The following SCHIP1 variants were observed in gnomAD, a reference collection of about 807,000 sequenced individuals.
SCHIP1 encodes the protein schwannomin interacting protein 1, also known as schwannomin-interacting protein 1.
SCHIP1 carries 8 observed loss-of-function variants against 29.7 expected under a neutral mutation model. The ratio of observed to expected loss-of-function variants is 0.27; its 90% CI spans 0.16 to 0.49. The LOEUF (loss-of-function observed/expected upper bound fraction) is 0.49. Ranked by LOEUF, SCHIP1 falls within the 20% of genes least tolerant of loss-of-function variation. SCHIP1 has a pLI of 0.99. For missense variants in SCHIP1, 193 were observed against 294.6 expected, an observed-to-expected ratio of 0.66 and a Z score of 2.52; for synonymous variants, 76 against 94.9, an observed-to-expected ratio of 0.80 and a Z score of 1.16.
chr3:159,705,463 A>G, the SCHIP1 span, among the ~76,000 whole-genome samples: 1 of 152,052 alleles, frequency 6.6e-6, no homozygotes, highest in Non-Finnish European at 1.5e-5. Context: ...ATCATAACAT[A>G]GAAATAGAAA....
chr3:159,650,132 A>G, the SCHIP1 span, among the ~76,000 whole-genome samples: 1 of 152,204 alleles, frequency 6.6e-6, no homozygotes, highest in Non-Finnish European at 1.5e-5. Context: ...ATCATCTGGT[A>G]TAAACTATCC....
chr3:159,643,316 T>C, the SCHIP1 span, among the ~76,000 whole-genome samples: 1 of 152,092 alleles, frequency 6.6e-6, no homozygotes, highest in Admixed American at 6.6e-5. Flanking sequence ...CCAGAGTCTG[T>C]GGCTCAGCTT....
At chr3:159,834,731 G>A in the SCHIP1 span, among the ~76,000 whole-genome samples, 1 of 152,124 alleles carries the variant, frequency 6.6e-6, no homozygotes, top group Non-Finnish European at 1.5e-5. Flanking sequence ...CATGTGACAG[G>A]TGGCAGTCAA....
At chr3:159,874,145 C>G (rs551525004) in intron 2 of SCHIP1, among the ~76,000 whole-genome samples, 1 of 152,108 alleles carries the variant, frequency 6.6e-6, no homozygotes, top group Admixed American at 6.5e-5. Context: ...AGAGTAACCA[C>G]GAAATAAATT....
At chr3:159,524,609 A>C in the SCHIP1 span, among the ~76,000 whole-genome samples, 2 of 152,190 alleles carry the variant, frequency 1.3e-5, no homozygotes, top group Non-Finnish European at 2.9e-5. Flanking sequence ...TACCCCATAG[A>C]CATATAAGCC....
At chr3:159,466,045 G>A in the SCHIP1 span, among the ~76,000 whole-genome samples, 5 of 151,416 alleles carry the variant, frequency 3.3e-5, no homozygotes, top group Admixed American at 2.6e-4. Context: ...GGATTTTTTT[G>A]AAAAAAAATT....
chr3:159,608,283 A>G, the SCHIP1 span, among the ~76,000 whole-genome samples: 1 of 152,336 alleles, frequency 6.6e-6, no homozygotes, highest in South Asian at 2.1e-4. Context: ...TATCTCCAAT[A>G]CTGATACTCC....
chr3:159,519,868 A>AT, the SCHIP1 span, among the ~76,000 whole-genome samples: 28 of 149,544 alleles, frequency 1.9e-4, no homozygotes, highest in South Asian at 2.4e-3. Flanking sequence ...GAAGAAAAAA[A>AT]AAATATATAT....
chr3:159,409,831 A>G, the SCHIP1 span, among the ~76,000 whole-genome samples: 5 of 152,166 alleles, frequency 3.3e-5, no homozygotes, highest in African/African-American at 4.8e-5. Context: ...TATCCTGAAC[A>G]AAAAGAACAA....
At chr3:159,473,690 A>G in the SCHIP1 span, among the ~76,000 whole-genome samples, 6,492 of 147,708 alleles carry the variant, frequency 0.044, 201 homozygotes, top group African/African-American at 0.087. Flanking sequence ...AAAAAAAAAA[A>G]AAAAGAAAAG....
chr3:159,652,398 G>A, the SCHIP1 span, among the ~76,000 whole-genome samples: 1 of 152,124 alleles, frequency 6.6e-6, no homozygotes, highest in Non-Finnish European at 1.5e-5. Flanking sequence ...AAAACCAACA[G>A]TCACTACAAA....
At chr3:159,701,421 G>A in the SCHIP1 span, among the ~76,000 whole-genome samples, 1 of 152,126 alleles carries the variant, frequency 6.6e-6, no homozygotes, top group Non-Finnish European at 1.5e-5. Flanking sequence ...GTTTTTAGGT[G>A]TGATTTTAAA....
intron 1 of SCHIP1, among the ~76,000 whole-genome samples, chr3:159,841,889 T>C (rs1444326569): frequency 6.6e-6 from 1 of 152,238 alleles, no homozygotes; most frequent in African/African-American, 2.4e-5. Flanking sequence ...CATGGGATTT[T>C]ATAGTAGAAC....
At chr3:159,366,315 ACC>A in the SCHIP1 span, among the ~76,000 whole-genome samples, 3 of 101,062 alleles carry the variant, frequency 3.0e-5, no homozygotes, top group Non-Finnish European at 7.0e-5. Flanking sequence ...TCCAAACCCC[ACC>A]CACCACCAGG....
the SCHIP1 span, among the ~76,000 whole-genome samples, chr3:159,626,240 C>A: frequency 3.0e-3 from 190 of 63,958 alleles, 10 homozygotes; most frequent in African/African-American, 0.02. Context: ...CTAGATATAT[C>A]TATCTATCTA....
intron 1 of SCHIP1, among the ~76,000 whole-genome samples, chr3:159,846,400 C>G (rs919472811): frequency 6.6e-5 from 10 of 152,152 alleles, no homozygotes; most frequent in African/African-American, 2.2e-4. Context: ...TGGTAAACAG[C>G]CTTTTATGCC....
chr3:159,545,512 T>G, the SCHIP1 span, among the ~76,000 whole-genome samples: 1 of 151,784 alleles, frequency 6.6e-6, no homozygotes, highest in African/African-American at 2.4e-5. Flanking sequence ...CTCCTTAGTT[T>G]GCAGATGGCC....
chr3:159,467,984 A>G, the SCHIP1 span, among the ~76,000 whole-genome samples: 1 of 152,134 alleles, frequency 6.6e-6, no homozygotes, highest in East Asian at 1.9e-4. Flanking sequence ...TCACATTTGC[A>G]TATAAAGCCT....
the SCHIP1 span, among the ~76,000 whole-genome samples, chr3:159,741,157 T>C: frequency 6.6e-6 from 1 of 152,222 alleles, no homozygotes; most frequent in Admixed American, 6.5e-5. Flanking sequence ...AGATGTTCAA[T>C]AAATGTTTAT....
Sources: gnomAD v4.1 joint callset for allele counts (sites outside exome capture counted in the v4.1 genomes callset) on GRCh38, gnomAD v4.1.1 for gene constraint, MANE v1.5 for transcripts, NCBI Gene and HGNC (gene_info 2026-07-23, HGNC 2026-07-21) for gene names.